Variants in ITGA11 observed in about 807,000 individuals in gnomAD.
ITGA11 encodes integrin subunit alpha 11.
In ITGA11, 97 loss-of-function variants were observed where a neutral mutation model predicts 141.9. The observed-to-expected ratio is 0.68, with a 90% CI of 0.58 to 0.81. ITGA11 has a LOEUF of 0.81. Among genes scored for constraint, ITGA11 ranks in the 30% least tolerant of loss-of-function variants. The probability of loss-of-function intolerance (pLI) is 0.00; values close to 1 mark genes in which losing one functional copy is unlikely to be tolerated. For synonymous variants in ITGA11, 658 were observed against 624.6 expected (o/e 1.05, Z -0.80); for missense variants, 1,387 against 1,559.2 (o/e 0.89, Z 1.86).
Position 68,303,824 on chromosome 15 carries a change from C to A in ITGA11, c.3443G>T (p.Ser1148Ile), listed in dbSNP as rs200576562. The A allele has an allele frequency of 1.8e-4, 292 of 1,613,150 alleles. No homozygotes were observed. Among genetic ancestry groups the A allele is most frequent in the Non-Finnish European group, 2.3e-4 (272 of 1,179,472 alleles). Residue 1148 changes from serine (S) to isoleucine (I), a missense_variant, in exon 29 of 30, where the codon AGC becomes ATC. By Grantham distance (142) the Ser-to-Ile change is moderately radical. Transcript: ENST00000315757. The surrounding 1 kb of genome is among the most constrained non-coding windows in gnomAD (Gnocchi z 5.3). ...CAGCAGTAGGAGGCCCCCCAGGGTG[C>A]TGCCTACAATGATCCAGATGGGGAC... ...WQVPIWIIVG[S>I]TLGGLLLLAL...
Position 68,332,450 on chromosome 15 carries a change from G to T in ITGA11, c.1454C>A (p.Thr485Asn). 3.7e-6 allele frequency: 6 copies of T among 1,612,396 alleles called. No homozygotes were observed. The highest frequency in any genetic ancestry group is 5.1e-6 in the Non-Finnish European group (6 of 1,179,362). Reference protein sequence around the residue: ...QIGSYFGSEITSVDIDGDGVT... With the variant: ...QIGSYFGSEINSVDIDGDGVT... ...GCCGTCGCCGTCGATGTCCACCGAG[G>T]TGATTTCACTCCCAAAGTAAGAGCC... The change falls in exon 13 of 30, where the codon ACC (threonine) becomes AAC (asparagine). Residue 485 changes from threonine to asparagine, a missense_variant. By Grantham distance (65) the Thr-to-Asn change is moderately conservative (BLOSUM62 0). Coordinates refer to ENST00000315757, the MANE Select transcript of ITGA11 (RefSeq NM_001004439.2).
rs1895039530 is a variant in ITGA11 at position 68,355,392 on chromosome 15, A to C, written c.749+1759T>G. Reference sequence around the variant, plus strand: ...TTATAAAGAGTTATGAGGTTGGAAAAGTCTTAATCTTTTGAGCCTACGAAT... The same window carrying C: ...TTATAAAGAGTTATGAGGTTGGAAACGTCTTAATCTTTTGAGCCTACGAAT... On this transcript the variant is annotated intron_variant, in intron 7 of 29. Coordinates refer to ENST00000315757, the MANE Select transcript of ITGA11 (RefSeq NM_001004439.2). Among the ~76,000 whole-genome samples, 6 of 152,194 alleles carry C rather than the reference A, an allele frequency of 3.9e-5. No individual in the cohort carries two copies. In the South Asian group the frequency reaches 1.2e-3, roughly 31 times the overall value.
chr15:68,345,762 A>C (rs932097845), intron 10 of ITGA11, among the ~76,000 whole-genome samples: 1 of 152,116 alleles, frequency 6.6e-6, no homozygotes, highest in East Asian at 1.9e-4. Flanking sequence ...GAAAGGCTGG[A>C]CCCAATAGCC....
chr15:68,310,494 A>C (rs528180289), intron 26 of ITGA11, among the ~76,000 whole-genome samples: 1 of 152,226 alleles, frequency 6.6e-6, no homozygotes, highest in Admixed American at 6.5e-5. Flanking sequence ...CTGAGAATGC[A>C]AACTGGAAAT....
chr15:68,354,681 C>T (rs889428910), intron 7 of ITGA11, among the ~76,000 whole-genome samples: 3 of 152,190 alleles, frequency 2.0e-5, no homozygotes, highest in Non-Finnish European at 4.4e-5. Flanking sequence ...CCAGTGCCGC[C>T]TCCTCCTGGC....
At chr15:68,350,864 A>T in intron 8 of ITGA11, 82 bp from the exon 9 acceptor site, 1 of 1,426,098 alleles carries the variant, frequency 7.0e-7, no homozygotes, top group Non-Finnish European at 9.5e-7. Context: ...GACCCTGGGG[A>T]CCCCAGGGTG....
intron 1 of ITGA11, 62 bp downstream of exon 1, chr15:68,431,952 CA>C: frequency 8.6e-7 from 1 of 1,168,616 alleles, no homozygotes; most frequent in Non-Finnish European, 1.1e-6. Context: ...CCGCTGGATC[CA>C]AGCCCCGAGG....
chr15:68,315,982 C>G (rs954602034), intron 21 of ITGA11, among the ~76,000 whole-genome samples: 4 of 152,216 alleles, frequency 2.6e-5, no homozygotes, highest in Non-Finnish European at 4.4e-5. Flanking sequence ...AGCCAGCCCC[C>G]CTCCCTCTTC....
chr15:68,373,740 C>T lies in ITGA11; in HGVS notation c.165-4456G>A, dbSNP rs77088157. Among the ~76,000 whole-genome samples, 587 of 152,268 alleles carry T rather than the reference C, an allele frequency of 3.9e-3. 24 individuals carry two copies. In the East Asian group the frequency reaches 0.096, roughly 25 times the overall value. The stretch of plus-strand genomic sequence containing the variant: ...CTTGGGATGCAGGTAGCAGGGTGGT[C>T]TCTTTTCTCTGGATGCTGTAGTGAG... On this transcript the variant is annotated intron_variant, in intron 2 of 29. Coordinates refer to ENST00000315757, the MANE Select transcript of ITGA11 (RefSeq NM_001004439.2).
chr15:68,365,112 C>T (rs1358697131), intron 3 of ITGA11: 1 of 980,322 alleles, frequency 1.0e-6, no homozygotes, highest in Non-Finnish European at 1.2e-6. Context: ...GCCCCACTTC[C>T]CCGTGTGCCC....
rs10647873 is a variant in ITGA11, at chr15:68,405,159, C to CGTTTTTTTTTTT, written c.53-2131_53-2130insAAAAAAAAAAAC. On this transcript the variant is annotated intron_variant, in intron 1 of 29. Coordinates refer to ENST00000315757, the MANE Select transcript of ITGA11 (RefSeq NM_001004439.2). ...ACAAGTTATTTTTCCCACTGTCTCC[C>CGTTTTTTTTTTT]TTTTTTTTTTTTTTTTGCTCAGCAA... 1.3e-4 allele frequency among the ~76,000 whole-genome samples: 16 copies of CGTTTTTTTTTTT among 118,928 alleles called. 2 individuals are homozygous for CGTTTTTTTTTTT. Among genetic ancestry groups the CGTTTTTTTTTTT allele is most frequent in the East Asian group, 2.5e-4 (1 of 3,928 alleles). The allele number at this position is 118,928 out of a possible 152,430, so 78.0% of individuals were successfully genotyped here.
intron 3 of ITGA11, chr15:68,365,166 C>T (rs950929895): frequency 8.1e-6 from 8 of 985,306 alleles, no homozygotes; most frequent in Middle Eastern, 5.2e-4. Flanking sequence ...TTCCTTTGTG[C>T]AGTATCCCCG....
chr15:68,432,134 C>T lies in ITGA11; in HGVS notation c.-68G>A. On this transcript the variant is annotated 5_prime_UTR_variant, in exon 1 of 30. Transcript: ENST00000315757. ...GGGGGCGGCAAGCCAGAGCGGCAGC[C>T]TCCTCGGCGCGGCGCCTGCAGCCTG... 8 of 1,213,322 alleles carry T rather than the reference C, an allele frequency of 6.6e-6. No individual in the cohort carries two copies. Among genetic ancestry groups the T allele is most frequent in the Non-Finnish European group, 7.4e-6 (7 of 942,858 alleles). 75.2% of individuals were successfully genotyped at this position (1,213,322 alleles called of 1,614,324 possible).
At chr15:68,397,755 ATT>A (rs1318811732) in intron 2 of ITGA11, among the ~76,000 whole-genome samples, 4 of 113,426 alleles carry the variant, frequency 3.5e-5, no homozygotes, top group African/African-American at 1.5e-4. Flanking sequence ...AAAATATTAT[ATT>A]TAAAATATTA....
chr15:68,349,144 C>T (rs908825160), intron 9 of ITGA11, among the ~76,000 whole-genome samples: 2 of 152,180 alleles, frequency 1.3e-5, no homozygotes, highest in Non-Finnish European at 2.9e-5. Flanking sequence ...ACTGGTAGCC[C>T]ACTTACTTCT....
chr15:68,370,794 C>T (rs114935036), intron 2 of ITGA11, among the ~76,000 whole-genome samples: 77 of 152,282 alleles, frequency 5.1e-4, no homozygotes, highest in African/African-American at 1.8e-3. Context: ...CAGCAGCTTC[C>T]CACTGCCTGG....
Position 68,307,665 on chromosome 15 carries a change from T to G in ITGA11, c.3206A>C (p.Asn1069Thr). 1 of 1,613,838 alleles carries G rather than the reference T, an allele frequency of 6.2e-7. No homozygotes were observed. ...NHSNSDVVSI[N>T]CNIRLVPNQE... ...GTTGGGGACCAGCCGTATATTGCAG[T>G]TGATGGAGACGACATCAGAGTTGCT... Residue 1069 changes from asparagine to threonine, a missense_variant, in exon 27 of 30, where the codon AAC becomes ACC. Asn to Thr is a moderately conservative substitution (Grantham distance 65). Transcript: ENST00000315757. The surrounding 1 kb of genome is among the most constrained non-coding windows in gnomAD (Gnocchi z 6.1).
chr15:68,424,688 C>T (rs1339080436), intron 1 of ITGA11, among the ~76,000 whole-genome samples: 1 of 152,116 alleles, frequency 6.6e-6, no homozygotes, highest in Admixed American at 6.5e-5. Context: ...AGGAGTCAAC[C>T]CTTATTTAGA....
chr15:68,372,913 T>C (rs1269391745), intron 2 of ITGA11, among the ~76,000 whole-genome samples: 3 of 152,254 alleles, frequency 2.0e-5, no homozygotes, highest in Admixed American at 6.5e-5. Flanking sequence ...AAAGATGATA[T>C]GTACCCCTAA....
Sources: allele counts gnomAD v4.1 joint callset (sites outside exome capture counted in the v4.1 genomes callset), GRCh38; gene constraint gnomAD v4.1.1; non-coding constraint Gnocchi (gnomAD v3.1); transcripts MANE v1.5; gene names NCBI Gene and HGNC (gene_info 2026-07-23, HGNC 2026-07-21).